The following LMX1A variants were observed in gnomAD, a reference collection of about 807,000 sequenced individuals.
LMX1A encodes the protein LIM homeobox transcription factor 1-alpha.
In LMX1A, 15 loss-of-function variants were observed where a neutral mutation model predicts 49.1. The ratio of observed to expected loss-of-function variants is 0.31; its 90% CI spans 0.20 to 0.47. The LOEUF (loss-of-function observed/expected upper bound fraction) is 0.47, where lower values mean the gene tolerates loss of function less well. Ranked by LOEUF, LMX1A falls within the 20% of genes least tolerant of loss-of-function variation. The pLI is 1.00. For missense variants in LMX1A, 372 were observed against 475.8 expected, an observed-to-expected ratio of 0.78 and a Z score of 2.03; for synonymous variants, 167 against 185.7, an observed-to-expected ratio of 0.90 and a Z score of 0.82.
At chr1:165,237,157 T>C (rs1309188136) in intron 4 of LMX1A, among the ~76,000 whole-genome samples, 1 of 152,236 alleles carries the variant, frequency 6.6e-6, no homozygotes, top group Non-Finnish European at 1.5e-5. Flanking sequence ...GAACAGATGC[T>C]GAGTTAGTTC....
chr1:165,276,219 C>A (rs1653963229), intron 3 of LMX1A, among the ~76,000 whole-genome samples: 1 of 152,132 alleles, frequency 6.6e-6, no homozygotes, highest in Non-Finnish European at 1.5e-5. Flanking sequence ...AGCTTCTCTA[C>A]CTTTTCCTGC....
chr1:165,291,277 C>T (rs979834817), intron 3 of LMX1A, among the ~76,000 whole-genome samples: 2 of 152,188 alleles, frequency 1.3e-5, no homozygotes. Flanking sequence ...CAGATTCTGG[C>T]TTTAAGGATG....
intron 3 of LMX1A, among the ~76,000 whole-genome samples, chr1:165,304,718 C>A (rs1042878868): frequency 6.6e-6 from 1 of 152,308 alleles, no homozygotes; most frequent in East Asian, 1.9e-4. Context: ...CCCTTCCCTG[C>A]CTCATCACCT....
At chr1:165,251,535 G>A (rs1372848474) in intron 3 of LMX1A, among the ~76,000 whole-genome samples, 1 of 152,162 alleles carries the variant, frequency 6.6e-6, no homozygotes, top group Admixed American at 6.5e-5. Context: ...ACAGAAAGAA[G>A]GGGGCAGAGC....
intron 3 of LMX1A, among the ~76,000 whole-genome samples, chr1:165,277,599 C>T (rs1348368734): frequency 6.6e-6 from 1 of 152,206 alleles, no homozygotes; most frequent in African/African-American, 2.4e-5. Context: ...CCAGGAAAAC[C>T]CAAGTCCGTC....
intron 3 of LMX1A, among the ~76,000 whole-genome samples, chr1:165,322,669 G>A (rs893448963): frequency 6.6e-6 from 1 of 152,118 alleles, no homozygotes; most frequent in African/African-American, 2.4e-5. Context: ...TCTGGTAAAG[G>A]AAGAAAGGGG....
In LMX1A at chr1:165,214,668, C is replaced by A. The variant is rs544087065; in HGVS notation, c.497-855G>T. On this transcript the variant is annotated intron_variant, in intron 4 of 8. Coordinates refer to ENST00000342310, the MANE Select transcript of LMX1A (RefSeq NM_177398.4). ...ACTATGTCTGAAACTCTAGTTACTG[C>A]CAAGTGGTAGAAAATATTATTGTTA... 3.3e-5 allele frequency among the ~76,000 whole-genome samples: 5 copies of A among 152,184 alleles called. No individual in the cohort carries two copies. In the East Asian group the frequency reaches 9.7e-4, roughly 29 times the overall value.
chr1:165,237,870 C>A (rs1274892320), intron 4 of LMX1A, among the ~76,000 whole-genome samples: 1 of 152,126 alleles, frequency 6.6e-6, no homozygotes, highest in Non-Finnish European at 1.5e-5. Context: ...TGATGGAAAT[C>A]TAAAGTTGGT....
intron 3 of LMX1A, among the ~76,000 whole-genome samples, chr1:165,332,289 C>A (rs1655771388): frequency 1.3e-5 from 2 of 151,680 alleles, no homozygotes; most frequent in South Asian, 4.2e-4. Context: ...CTGACTGTAT[C>A]AATAATTAAA....
At position 165,224,560 on chromosome 1, in the gene LMX1A, A is replaced by T. The variant is rs188724714; in HGVS notation, c.497-10747T>A. 9.5e-4 allele frequency among the ~76,000 whole-genome samples: 145 copies of T among 152,328 alleles called. 1 individual carries two copies. The highest frequency in any genetic ancestry group is 3.3e-3 in the African/African-American group (136 of 41,566). On this transcript the variant is annotated intron_variant, in intron 4 of 8. Transcript: ENST00000342310. ...AATTTTGTGTGTCTTCTATATAATTAGAATAAGCTTCCAGAAAACAGAGTT... is the reference window on the plus strand; with the variant it reads ...AATTTTGTGTGTCTTCTATATAATTTGAATAAGCTTCCAGAAAACAGAGTT...
At chr1:165,305,347 A>G (rs35980722) in intron 3 of LMX1A, among the ~76,000 whole-genome samples, 6,868 of 152,248 alleles carry the variant, frequency 0.045, 233 homozygotes, top group East Asian at 0.12. Context: ...GGGAGAGGAA[A>G]GAGAGATGAA....
chr1:165,251,087 T>TA (rs1653045483), intron 3 of LMX1A, among the ~76,000 whole-genome samples: 2 of 151,004 alleles, frequency 1.3e-5, no homozygotes, highest in Admixed American at 1.3e-4. Context: ...GAATGGCTTT[T>TA]TTTTTTTTTT....
intron 3 of LMX1A, among the ~76,000 whole-genome samples, chr1:165,351,996 C>T (rs1656443656): frequency 6.6e-6 from 1 of 152,222 alleles, no homozygotes; most frequent in South Asian, 2.1e-4. Context: ...ACGCGCGCGT[C>T]CACACAGTCA....
At chr1:165,236,852 G>GTTTTTT (rs11302510) in intron 4 of LMX1A, among the ~76,000 whole-genome samples, 1 of 144,342 alleles carries the variant, frequency 6.9e-6, no homozygotes. Context: ...GGAGTTCAAA[G>GTTTTTT]TTTTTTTTTT....
At chr1:165,318,877 A>G (rs1025241390) in intron 3 of LMX1A, among the ~76,000 whole-genome samples, 4 of 152,062 alleles carry the variant, frequency 2.6e-5, no homozygotes, top group African/African-American at 9.7e-5. Context: ...TGTACTGCCT[A>G]TCCTCAGAAT....
intron 3 of LMX1A, among the ~76,000 whole-genome samples, chr1:165,304,144 A>C (rs2101727585): frequency 6.6e-6 from 1 of 152,040 alleles, no homozygotes; most frequent in South Asian, 2.1e-4. Flanking sequence ...TAATAGGGTA[A>C]CCCTGGGAAA....
intron 3 of LMX1A, among the ~76,000 whole-genome samples, chr1:165,276,473 T>C (rs929747340): frequency 2.0e-5 from 3 of 152,220 alleles, no homozygotes; most frequent in Non-Finnish European, 4.4e-5. Flanking sequence ...GCAACTCTGA[T>C]GATTGATAGC....
intron 3 of LMX1A, among the ~76,000 whole-genome samples, chr1:165,345,759 T>C (rs980045982): frequency 2.6e-5 from 4 of 152,206 alleles, no homozygotes; most frequent in African/African-American, 4.8e-5. Flanking sequence ...CCAGGTGCAG[T>C]AGCTCATGCC....
chr1:165,261,393 C>T (rs78557874), intron 3 of LMX1A, among the ~76,000 whole-genome samples: 1,671 of 152,200 alleles, frequency 0.011, 35 homozygotes, highest in African/African-American at 0.038. Flanking sequence ...AAGAAAATAA[C>T]AGGTGTTGGA....
Sources: gnomAD v4.1 joint callset for allele counts (sites outside exome capture counted in the v4.1 genomes callset) on GRCh38, gnomAD v4.1.1 for gene constraint, MANE v1.5 for transcripts, NCBI Gene and HGNC (gene_info 2026-07-23, HGNC 2026-07-21) for gene names.